EXOC6: variants seen among roughly 807,000 people sequenced by gnomAD.
The protein encoded by EXOC6 is exocyst complex component 6.
EXOC6 carries 60 observed loss-of-function variants against 112.5 expected under a neutral mutation model. That is an observed-to-expected ratio of 0.53 (90% confidence interval 0.43 to 0.66). The LOEUF is 0.66. Among genes scored for constraint, EXOC6 ranks in the 30% least tolerant of loss-of-function variants. The pLI is 0.00. For synonymous variants in EXOC6, 295 were observed against 308.0 expected, an observed-to-expected ratio of 0.96 and a Z score of 0.44; for missense variants, 855 against 957.1, an observed-to-expected ratio of 0.89 and a Z score of 1.41.
intron 12 of EXOC6, among the ~76,000 whole-genome samples, chr10:92,937,101 G>A (rs1442177830): frequency 6.6e-6 from 1 of 152,128 alleles, no homozygotes; most frequent in African/African-American, 2.4e-5. Context: ...GAGATTTCTA[G>A]CTTGTCCTTC....
chr10:93,032,920 A>G (rs1189043616), intron 20 of EXOC6, among the ~76,000 whole-genome samples: 1 of 152,180 alleles, frequency 6.6e-6, no homozygotes, highest in African/African-American at 2.4e-5. Context: ...TGGGAAATAT[A>G]GGGAAATAGC....
At position 92,915,899 on chromosome 10, in the gene EXOC6, G is replaced by T; in HGVS notation, c.805G>T (p.Glu269Ter). Residue 269 changes from glutamate (E) to a stop codon, truncating the protein, a stop_gained, in exon 7 of 22, where the codon GAG becomes TAG. Transcript: ENST00000260762. LOFTEE classifies it high-confidence loss of function. The stretch of plus-strand genomic sequence containing the variant: ...GAAACATTCACTTGAAGAAGAGGAT[G>T]AGAATGAAGAAGAGGTGATAGGTGT... The part of the protein sequence containing the change: ...VLKHSLEEED[E>*]NEEEILTVQD... 1.3e-6 allele frequency: 2 copies of T among 1,537,358 alleles called. No individual in the cohort carries two copies. The highest frequency in any genetic ancestry group is 2.6e-5 in the South Asian group (2 of 76,736).
At chr10:92,891,635 C>T (rs1234982941) in intron 1 of EXOC6, among the ~76,000 whole-genome samples, 2 of 152,052 alleles carry the variant, frequency 1.3e-5, no homozygotes, top group African/African-American at 4.8e-5. Context: ...GCACCTGCCA[C>T]GACACCCAGC....
At chr10:93,017,426 T>C (rs1484511894) in intron 20 of EXOC6, among the ~76,000 whole-genome samples, 1 of 151,338 alleles carries the variant, frequency 6.6e-6, no homozygotes, top group Non-Finnish European at 1.5e-5. Flanking sequence ...CTGTCTCTTC[T>C]AAAATACAAA....
At chr10:92,949,389 A>C (rs2134000318) in intron 14 of EXOC6, among the ~76,000 whole-genome samples, 1 of 152,342 alleles carries the variant, frequency 6.6e-6, no homozygotes, top group African/African-American at 2.4e-5. Flanking sequence ...ATGTTTTAAT[A>C]CAAGAGGCCA....
At chr10:92,947,958 C>CT (rs1022944104) in intron 13 of EXOC6, among the ~76,000 whole-genome samples, 2 of 151,918 alleles carry the variant, frequency 1.3e-5, no homozygotes, top group Non-Finnish European at 2.9e-5. Context: ...TACGTGGATC[C>CT]TTTTTTAGTT....
chr10:93,006,117 G>A (rs1818157971), intron 19 of EXOC6, among the ~76,000 whole-genome samples: 1 of 151,982 alleles, frequency 6.6e-6, no homozygotes, highest in Admixed American at 6.6e-5. Context: ...CCGTGATCAT[G>A]CCACTGTACT....
intron 17 of EXOC6, among the ~76,000 whole-genome samples, chr10:92,958,786 A>C (rs1404973738): frequency 6.6e-6 from 1 of 152,188 alleles, no homozygotes; most frequent in East Asian, 1.9e-4. Flanking sequence ...ACCCATCTTC[A>C]AGACTTACTA....
chr10:92,974,040 T>G lies in EXOC6; in HGVS notation c.1774-13T>G. 6.4e-7 allele frequency: 1 copy of G among 1,567,886 alleles called. No individual in the cohort carries two copies. Among genetic ancestry groups the G allele is most frequent in the Non-Finnish European group, 8.6e-7 (1 of 1,163,392 alleles). On this transcript the variant is annotated splice_polypyrimidine_tract_variant and intron_variant, in intron 17 of 21. Transcript: ENST00000260762. ...CTGTTTCTTGTCTTTGTTGTTATTTTGTCCCATGTCAGGATGCTCGACATG... is the reference window on the plus strand; with the variant it reads ...CTGTTTCTTGTCTTTGTTGTTATTTGGTCCCATGTCAGGATGCTCGACATG...
At chr10:93,035,842 A>G (rs1420549892) in intron 20 of EXOC6, among the ~76,000 whole-genome samples, 5 of 151,984 alleles carry the variant, frequency 3.3e-5, no homozygotes, top group Non-Finnish European at 7.4e-5. Flanking sequence ...ATGACAGATC[A>G]AGACTCTGTC....
intron 1 of EXOC6, among the ~76,000 whole-genome samples, chr10:92,890,441 A>G (rs1849439430): frequency 6.6e-6 from 1 of 152,134 alleles, no homozygotes; most frequent in Non-Finnish European, 1.5e-5. Context: ...CTTCTGTTAT[A>G]TGATAGACAC....
At chr10:92,927,484 A>G (rs940399471) in intron 8 of EXOC6, among the ~76,000 whole-genome samples, 3 of 152,234 alleles carry the variant, frequency 2.0e-5, no homozygotes, top group Non-Finnish European at 4.4e-5. Flanking sequence ...CTGTTGTTGG[A>G]TAATGTAGCT....
At chr10:92,866,006 T>G (rs185671733) in intron 1 of EXOC6, among the ~76,000 whole-genome samples, 26 of 152,238 alleles carry the variant, frequency 1.7e-4, no homozygotes, top group Admixed American at 1.5e-3. Context: ...GAGTTGGTCT[T>G]GCTGTCTCAG....
intron 20 of EXOC6, among the ~76,000 whole-genome samples, chr10:93,048,785 A>T (rs1846132628): frequency 6.6e-6 from 1 of 151,606 alleles, no homozygotes; most frequent in Non-Finnish European, 1.5e-5. Context: ...ATTTATTAAC[A>T]TCTTTTTGCA....
chr10:92,863,452 T>A (rs1424369465), intron 1 of EXOC6, among the ~76,000 whole-genome samples: 1 of 152,196 alleles, frequency 6.6e-6, no homozygotes, highest in Non-Finnish European at 1.5e-5. Flanking sequence ...AGGGTTCCTC[T>A]GGGAAACCTT....
chr10:92,865,854 G>A (rs751502836), intron 1 of EXOC6, among the ~76,000 whole-genome samples: 1 of 152,058 alleles, frequency 6.6e-6, no homozygotes, highest in Non-Finnish European at 1.5e-5. Context: ...TTACAATAAA[G>A]TAAGTGAGAG....
At chr10:93,047,222 C>T (rs1051888464) in intron 20 of EXOC6, among the ~76,000 whole-genome samples, 6 of 151,988 alleles carry the variant, frequency 3.9e-5, no homozygotes, top group African/African-American at 1.4e-4. Flanking sequence ...CTAGGACAGG[C>T]GTAGTAATAG....
intron 20 of EXOC6, among the ~76,000 whole-genome samples, chr10:93,015,138 A>G (rs1844442719): frequency 6.6e-6 from 1 of 152,158 alleles, no homozygotes; most frequent in Non-Finnish European, 1.5e-5. Context: ...GTATCAGTCT[A>G]TTAATGGTTC....
intron 1 of EXOC6, among the ~76,000 whole-genome samples, chr10:92,889,904 C>T (rs1849415013): frequency 6.6e-6 from 1 of 152,118 alleles, no homozygotes; most frequent in African/African-American, 2.4e-5. Context: ...CGTGTGCCAC[C>T]ATGCCTGGCT....
Sources: allele counts gnomAD v4.1 joint callset (sites outside exome capture counted in the v4.1 genomes callset), GRCh38; gene constraint gnomAD v4.1.1; transcripts MANE v1.5; gene names NCBI Gene and HGNC (gene_info 2026-07-23, HGNC 2026-07-21).